The following SMAD5 variants were observed in gnomAD, a reference collection of about 807,000 sequenced individuals.
SMAD5 encodes the protein SMAD family member 5.
Under a neutral mutation model 43.1 loss-of-function variants are expected in SMAD5, and 9 were observed. The ratio of observed to expected loss-of-function variants is 0.21; its 90% CI spans 0.13 to 0.36. SMAD5 has a LOEUF of 0.36. Ranked by LOEUF, SMAD5 falls within the 10% of genes least tolerant of loss-of-function variation. The pLI is 1.00. For missense variants in SMAD5, 348 were observed against 574.0 expected, an observed-to-expected ratio of 0.61 and a Z score of 4.02; for synonymous variants, 190 against 192.4, an observed-to-expected ratio of 0.99 and a Z score of 0.10.
At chr5:136,137,280 G>A (rs1220322444) in intron 1 of SMAD5, among the ~76,000 whole-genome samples, 2 of 88,232 alleles carry the variant, frequency 2.3e-5, no homozygotes, top group Non-Finnish European at 4.6e-5. Context: ...ACCCCCCCCC[G>A]CATCTCTTCC....
rs191333234 is a variant in SMAD5 at position 136,180,982 on chromosome 5, T to G, written c.*3502T>G. The G allele has an allele frequency of 6.6e-6, 1 of 152,250 alleles. No homozygotes were observed. The allele number at this position is 152,250 out of a possible 1,614,324, so 9.4% of individuals were successfully genotyped here. ...ACCTGTGGGGAACAGTTCCTTCCCC[T>G]GTGTGGTAGTATTTTGTTGGAAGAG... On this transcript the variant is annotated 3_prime_UTR_variant, in exon 8 of 8. Transcript: ENST00000545279.
chr5:136,172,370 A>C lies in SMAD5; in HGVS notation c.776-64A>C, dbSNP rs375365473. On this transcript the variant is annotated intron_variant, in intron 5 of 7. Coordinates refer to ENST00000545279, the MANE Select transcript of SMAD5 (RefSeq NM_005903.7). Reference sequence around the variant, plus strand: ...AATACTTGGGTTGGGTTAAAAGATAAACACATGGACAATCTGAGTTTCTGA... The same window carrying C: ...AATACTTGGGTTGGGTTAAAAGATACACACATGGACAATCTGAGTTTCTGA... The C allele has an allele frequency of 5.0e-5, 48 of 960,614 alleles. No homozygotes were observed. In the African/African-American group the frequency reaches 6.7e-4, roughly 13 times the overall value. 59.5% of individuals were successfully genotyped at this position (960,614 alleles called of 1,614,324 possible).
Position 136,182,495 on chromosome 5 carries a change from A to G in SMAD5, c.*5015A>G, listed in dbSNP as rs948652209. 6.6e-6 allele frequency: 1 copy of G among 152,664 alleles called. No individual in the cohort carries two copies. The highest frequency in any genetic ancestry group is 6.5e-5 in the Admixed American group (1 of 15,278). 9.5% of individuals were successfully genotyped at this position (152,664 alleles called of 1,614,324 possible). On this transcript the variant is annotated 3_prime_UTR_variant, in exon 8 of 8. Transcript: ENST00000545279. Reference sequence around the variant, plus strand: ...TTTCTTAAAAAGATATTTCATATACAGATAATGAAGACCAAGCTAGTGGCT... The same window carrying G: ...TTTCTTAAAAAGATATTTCATATACGGATAATGAAGACCAAGCTAGTGGCT...
chr5:136,147,361 T>A (rs1332336952), intron 1 of SMAD5: 1 of 151,814 alleles, frequency 6.6e-6, no homozygotes, highest in African/African-American at 2.4e-5. Context: ...AATGAGCAAA[T>A]TAAGCTGGAT....
At chr5:136,141,313 G>A (rs1753074720) in intron 1 of SMAD5, among the ~76,000 whole-genome samples, 1 of 152,152 alleles carries the variant, frequency 6.6e-6, no homozygotes, top group African/African-American at 2.4e-5. Context: ...GTTTTGAGGA[G>A]CAACAGCTCA....
In SMAD5 at chr5:136,153,686, C is replaced by T. The variant is rs951469375; in HGVS notation, c.-75C>T. 11 of 1,250,442 alleles carry T rather than the reference C, an allele frequency of 8.8e-6. No individual in the cohort carries two copies. The highest frequency in any genetic ancestry group is 2.5e-5 in the East Asian group (1 of 39,664). The allele number at this position is 1,250,442 out of a possible 1,614,324, so 77.5% of individuals were successfully genotyped here. The stretch of plus-strand genomic sequence containing the variant: ...ACTTCTGCTTAGGACCTGTGTATGA[C>T]GTTTCACCTGTGATCTGTTCTTTCG... On this transcript the variant is annotated 5_prime_UTR_variant, in exon 3 of 8. In the 5' UTR this introduces an upstream ATG that the reference lacks. Coordinates refer to ENST00000545279, the MANE Select transcript of SMAD5 (RefSeq NM_005903.7).
intron 5 of SMAD5, among the ~76,000 whole-genome samples, chr5:136,164,575 T>C (rs898014222): frequency 3.3e-5 from 5 of 152,234 alleles, no homozygotes; most frequent in Admixed American, 2.0e-4. Context: ...CATTGGGTTG[T>C]CTTACTGAGT....
Position 136,178,033 on chromosome 5 carries a change from G to A in SMAD5, c.*553G>A, listed in dbSNP as rs1754488147. 6.6e-6 allele frequency: 1 copy of A among 152,540 alleles called. No homozygotes were observed. Among genetic ancestry groups the A allele is most frequent in the Non-Finnish European group, 1.5e-5 (1 of 68,058 alleles). The allele number at this position is 152,540 out of a possible 1,614,324, so 9.4% of individuals were successfully genotyped here. A position where few individuals can be genotyped will look rare whatever the true frequency, so the allele number is the denominator to read the frequency against. ...ACTATGCACTGCTGTAACTGGTAGT[G>A]TTCAGTAAAAGCAAAATGATAGTTT... On this transcript the variant is annotated 3_prime_UTR_variant, in exon 8 of 8. Coordinates refer to ENST00000545279, the MANE Select transcript of SMAD5 (RefSeq NM_005903.7).
intron 5 of SMAD5, among the ~76,000 whole-genome samples, chr5:136,163,872 C>T (rs1224677900): frequency 3.9e-5 from 6 of 152,108 alleles, no homozygotes; most frequent in South Asian, 4.2e-4. Flanking sequence ...GAATTGTTTC[C>T]GTATTTTGAT....
chr5:136,164,649 TTC>T (rs1283827809), intron 5 of SMAD5, among the ~76,000 whole-genome samples: 1 of 152,196 alleles, frequency 6.6e-6, no homozygotes, highest in East Asian at 1.9e-4. Flanking sequence ...TGCAAATATT[TTC>T]TCTCAGTCTG....
chr5:136,145,781 A>G (rs1753238746), intron 1 of SMAD5, among the ~76,000 whole-genome samples: 1 of 151,982 alleles, frequency 6.6e-6, no homozygotes, highest in Admixed American at 6.6e-5. Flanking sequence ...ATAGGAAAAA[A>G]TGGAGATTTT....
intron 4 of SMAD5, 116 bp from the exon 5 acceptor site, chr5:136,163,156 T>TTG (rs947773016): frequency 1.3e-6 from 1 of 797,572 alleles, no homozygotes; most frequent in Non-Finnish European, 1.9e-6. Context: ...CTACATTTTT[T>TTG]TGTGTGTGAT....
chr5:136,162,341 C>T (rs1753851109), intron 4 of SMAD5, among the ~76,000 whole-genome samples: 1 of 152,112 alleles, frequency 6.6e-6, no homozygotes, highest in Non-Finnish European at 1.5e-5. Flanking sequence ...TTTTTCTCAT[C>T]AGCATCATAA....
intron 3 of SMAD5, among the ~76,000 whole-genome samples, chr5:136,154,501 C>G (rs986047200): frequency 1.3e-5 from 2 of 152,048 alleles, no homozygotes; most frequent in African/African-American, 4.8e-5. Context: ...GAACTTTGTT[C>G]CTACAGTTAT....
At chr5:136,134,175 G>A (rs556512582) in intron 1 of SMAD5, 3 of 152,418 alleles carry the variant, frequency 2.0e-5, no homozygotes, top group African/African-American at 7.3e-5. Flanking sequence ...GTCACATCAT[G>A]CCTGTTGCCT....
In SMAD5 at chr5:136,176,386, C is replaced by T. The variant is rs562941345; in HGVS notation, c.1255-951C>T. The stretch of plus-strand genomic sequence containing the variant: ...AGGAGAATTGTTTGAACCTGGGAGG[C>T]GGAGGTTGCAGTTAGCCAAGATTGC... On this transcript the variant is annotated intron_variant, in intron 7 of 7. Coordinates refer to ENST00000545279, the MANE Select transcript of SMAD5 (RefSeq NM_005903.7). 6.1e-5 allele frequency among the ~76,000 whole-genome samples: 8 copies of T among 130,586 alleles called. No individual in the cohort carries two copies. The South Asian group carries it at 8.2e-4, about 13-fold the overall frequency. 85.7% of individuals were successfully genotyped at this position (130,586 alleles called of 152,430 possible). A position where few individuals can be genotyped will look rare whatever the true frequency, so the allele number is the denominator to read the frequency against.
At chr5:136,159,221 A>G (rs1447393431) in intron 3 of SMAD5, among the ~76,000 whole-genome samples, 2 of 152,326 alleles carry the variant, frequency 1.3e-5, no homozygotes, top group African/African-American at 2.4e-5. Flanking sequence ...GGGATAGAAT[A>G]ATAAAAGAAT....
In SMAD5 at chr5:136,182,645, A is replaced by C. The variant is rs952411010; in HGVS notation, c.*5165A>C. On this transcript the variant is annotated 3_prime_UTR_variant, in exon 8 of 8. Coordinates refer to ENST00000545279, the MANE Select transcript of SMAD5 (RefSeq NM_005903.7). The stretch of plus-strand genomic sequence containing the variant: ...TTATGAAAATGTATTAGGTTTTACT[A>C]TATTGTGCTTTTGAAAGCCATAACT... 1 of 152,666 alleles carries C rather than the reference A, an allele frequency of 6.6e-6. No homozygotes were observed. Among genetic ancestry groups the C allele is most frequent in the Non-Finnish European group, 1.5e-5 (1 of 68,042 alleles). 9.5% of individuals were successfully genotyped at this position (152,666 alleles called of 1,614,324 possible). A position where few individuals can be genotyped will look rare whatever the true frequency, so the allele number is the denominator to read the frequency against.
At chr5:136,135,527 C>G (rs559018518) in intron 1 of SMAD5, among the ~76,000 whole-genome samples, 34 of 152,252 alleles carry the variant, frequency 2.2e-4, no homozygotes, top group African/African-American at 5.3e-4. Flanking sequence ...GTTTTGAAAA[C>G]TAGGCAGTAA....
Sources: gnomAD v4.1 joint callset for allele counts (sites outside exome capture counted in the v4.1 genomes callset) on GRCh38, gnomAD v4.1.1 for gene constraint, MANE v1.5 for transcripts, NCBI Gene and HGNC (gene_info 2026-07-23, HGNC 2026-07-21) for gene names.